CHSY3: variants seen among roughly 807,000 people sequenced by gnomAD.
CHSY3 encodes chondroitin sulfate synthase 3.
In CHSY3, 35 loss-of-function variants were observed where a neutral mutation model predicts 67.2. That is an observed-to-expected ratio of 0.52 (90% CI 0.40 to 0.69). The LOEUF (loss-of-function observed/expected upper bound fraction) is 0.69, where lower values mean the gene tolerates loss of function less well. CHSY3 is among the 30% of genes least tolerant of loss of function. The probability of loss-of-function intolerance (pLI) is 0.00; values close to 1 mark genes in which losing one functional copy is unlikely to be tolerated. For synonymous variants in CHSY3, 474 were observed against 434.7 expected (o/e 1.09, Z -1.12); for missense variants, 1,069 against 1,138.5 (o/e 0.94, Z 0.88).
intron 2 of CHSY3, among the ~76,000 whole-genome samples, chr5:130,088,546 CG>C (rs1314687510): frequency 1.3e-5 from 2 of 152,032 alleles, no homozygotes; most frequent in Admixed American, 1.3e-4. Context: ...ACAACCCCAT[CG>C]AAAAGTGGGC....
At chr5:129,916,825 T>C (rs1004291355) in intron 2 of CHSY3, among the ~76,000 whole-genome samples, 2 of 152,146 alleles carry the variant, frequency 1.3e-5, no homozygotes, top group African/African-American at 4.8e-5. Context: ...TACTGATCTC[T>C]TGGTTTCAAA....
intron 2 of CHSY3, among the ~76,000 whole-genome samples, chr5:130,110,994 A>T (rs1767576084): frequency 6.6e-6 from 1 of 151,894 alleles, no homozygotes; most frequent in Admixed American, 6.6e-5. Context: ...TTCAACTTTC[A>T]CCAACATTTA....
At chr5:130,019,796 C>T (rs1489113692) in intron 2 of CHSY3, among the ~76,000 whole-genome samples, 1 of 152,178 alleles carries the variant, frequency 6.6e-6, no homozygotes, top group Admixed American at 6.5e-5. Flanking sequence ...TCTCTCATGT[C>T]ACTAACGCTA....
Position 129,914,836 on chromosome 5 carries a change from A to G in CHSY3, c.1086+6476A>G, listed in dbSNP as rs545218863. Among the ~76,000 whole-genome samples the G allele has an allele frequency of 8.5e-5, 13 of 152,374 alleles. No individual in the cohort carries two copies. The South Asian group carries it at 2.7e-3, about 32-fold the overall frequency. On this transcript the variant is annotated intron_variant, in intron 2 of 2. Transcript: ENST00000305031. Reference sequence around the variant, plus strand: ...TTTATGCTTTCTAAGAAGATGATTTACTACAATTATGAAAAATGTTAAGTT... The same window carrying G: ...TTTATGCTTTCTAAGAAGATGATTTGCTACAATTATGAAAAATGTTAAGTT...
At chr5:129,911,263 A>T (rs200873332) in intron 2 of CHSY3, among the ~76,000 whole-genome samples, 3 of 152,072 alleles carry the variant, frequency 2.0e-5, no homozygotes, top group African/African-American at 4.8e-5. Context: ...CTAAACTGAA[A>T]TTACTTTCTC....
intron 2 of CHSY3, among the ~76,000 whole-genome samples, chr5:130,147,763 T>C (rs776829745): frequency 6.6e-6 from 1 of 151,928 alleles, no homozygotes; most frequent in Non-Finnish European, 1.5e-5. Context: ...TGAGAGCGAG[T>C]AGGGGAATGA....
At chr5:130,133,796 G>GAAAA (rs375900326) in intron 2 of CHSY3, among the ~76,000 whole-genome samples, 6 of 97,908 alleles carry the variant, frequency 6.1e-5, no homozygotes, top group African/African-American at 2.0e-4. Flanking sequence ...AAAAAAAAAA[G>GAAAA]AAAAAAAAAA....
chr5:130,103,367 C>T (rs1472152792), intron 2 of CHSY3, among the ~76,000 whole-genome samples: 1 of 152,024 alleles, frequency 6.6e-6, no homozygotes, highest in African/African-American at 2.4e-5. Flanking sequence ...GAGTTATTTA[C>T]TTCTGTGGCA....
chr5:130,143,828 A>G (rs1420931561), intron 2 of CHSY3, among the ~76,000 whole-genome samples: 7 of 130,290 alleles, frequency 5.4e-5, no homozygotes, highest in African/African-American at 1.4e-4. Context: ...ATATATATAT[A>G]TATATATATA....
At chr5:129,939,014 G>A (rs1034596717) in intron 2 of CHSY3, among the ~76,000 whole-genome samples, 3 of 152,140 alleles carry the variant, frequency 2.0e-5, no homozygotes, top group Non-Finnish European at 1.5e-5. Flanking sequence ...GGTAATTTAT[G>A]AAGAAAAGAG....
At chr5:130,007,684 G>T (rs1174289827) in intron 2 of CHSY3, among the ~76,000 whole-genome samples, 3 of 152,142 alleles carry the variant, frequency 2.0e-5, no homozygotes, top group Non-Finnish European at 4.4e-5. Context: ...GAAGCCCAGA[G>T]AGTTTGGTGT....
At chr5:130,007,842 A>G (rs992110043) in intron 2 of CHSY3, among the ~76,000 whole-genome samples, 1 of 151,414 alleles carries the variant, frequency 6.6e-6, no homozygotes, top group Non-Finnish European at 1.5e-5. Context: ...TAATCTGAAT[A>G]CCCCCTTGTC....
intron 2 of CHSY3, among the ~76,000 whole-genome samples, chr5:129,954,993 C>T (rs539674498): frequency 5.3e-4 from 81 of 152,116 alleles, no homozygotes; most frequent in Non-Finnish European, 3.4e-4. Context: ...CTCAGCCTCC[C>T]GAGTAGGTGT....
At chr5:130,075,607 G>A (rs540798171) in intron 2 of CHSY3, among the ~76,000 whole-genome samples, 3 of 152,100 alleles carry the variant, frequency 2.0e-5, no homozygotes, top group East Asian at 1.9e-4. Flanking sequence ...TCTTGACCTC[G>A]GATTGCTTAG....
chr5:129,956,628 T>C (rs1762182772), intron 2 of CHSY3, among the ~76,000 whole-genome samples: 1 of 152,022 alleles, frequency 6.6e-6, no homozygotes, highest in Non-Finnish European at 1.5e-5. Context: ...AAATCTTGAA[T>C]TGATTTTTGT....
intron 2 of CHSY3, among the ~76,000 whole-genome samples, chr5:130,021,441 T>C (rs1764385749): frequency 6.6e-6 from 1 of 152,258 alleles, no homozygotes; most frequent in East Asian, 1.9e-4. Context: ...CTTCATATCC[T>C]ACCAAATATG....
intron 2 of CHSY3, among the ~76,000 whole-genome samples, chr5:130,036,223 GA>G (rs1238562064): frequency 6.6e-6 from 1 of 152,054 alleles, no homozygotes; most frequent in African/African-American, 2.4e-5. Context: ...GGAATATATT[GA>G]ACAAAAAGGG....
intron 2 of CHSY3, among the ~76,000 whole-genome samples, chr5:130,011,168 C>G (rs571260407): frequency 7.2e-4 from 109 of 151,990 alleles, no homozygotes; most frequent in African/African-American, 2.4e-3. Flanking sequence ...AGAAACCAAA[C>G]AAAAAAAGAA....
At chr5:130,035,272 T>C (rs1764832299) in intron 2 of CHSY3, among the ~76,000 whole-genome samples, 1 of 152,028 alleles carries the variant, frequency 6.6e-6, no homozygotes, top group African/African-American at 2.4e-5. Flanking sequence ...GTTTTGTGGG[T>C]ATATTTTTAA....
Sources: allele counts gnomAD v4.1 joint callset (sites outside exome capture counted in the v4.1 genomes callset), GRCh38; gene constraint gnomAD v4.1.1; transcripts MANE v1.5; gene names NCBI Gene and HGNC (gene_info 2026-07-23, HGNC 2026-07-21).